DHX8: variants seen among roughly 807,000 people sequenced by gnomAD.
DHX8 encodes DEAH-box helicase 8, also known as ATP-dependent RNA helicase DHX8.
Under a neutral mutation model 140.7 loss-of-function variants are expected in DHX8, and 67 were observed. That is an observed-to-expected ratio of 0.48 (90% CI 0.39 to 0.58). The LOEUF is 0.58. DHX8 is among the 20% of genes least tolerant of loss of function. The pLI is 0.00. For missense variants in DHX8, 887 were observed against 1,550.7 expected (o/e 0.57, Z 7.19); for synonymous variants, 533 against 553.2 (o/e 0.96, Z 0.51).
chr17:43,505,323 C>T (rs982954264), intron 12 of DHX8, among the ~76,000 whole-genome samples: 6 of 152,008 alleles, frequency 3.9e-5, no homozygotes, highest in East Asian at 3.9e-4. Flanking sequence ...GCAGGAGAAT[C>T]GCTTGAATCA....
downstream of DHX8, chr17:43,528,781 C>T (rs747479682): frequency 5.1e-5 from 81 of 1,578,242 alleles, no homozygotes; most frequent in African/African-American, 1.1e-4. Flanking sequence ...CCTGGCTAGC[C>T]GCCCAGCCTT....
intron 3 of DHX8, among the ~76,000 whole-genome samples, chr17:43,537,601 CAGG>C (rs974349051): frequency 4.8e-4 from 73 of 152,004 alleles, no homozygotes; most frequent in African/African-American, 1.7e-3. Flanking sequence ...AAGGCTGAGG[CAGG>C]AGAATTGCTT....
chr17:43,529,762 G>A (rs1189077150), downstream of DHX8: 4 of 1,591,344 alleles, frequency 2.5e-6, no homozygotes, highest in Non-Finnish European at 3.4e-6. Context: ...TTTCTCGAAG[G>A]GGTCTCCCCA....
rs1022309044 is a variant in DHX8, at chr17:43,493,963, G to A, written c.1212+77G>A. 53 of 1,461,702 alleles carry A rather than the reference G, an allele frequency of 3.6e-5. No homozygotes were observed. In the African/African-American group the frequency reaches 6.7e-4, roughly 18 times the overall value. The allele number at this position is 1,461,702 out of a possible 1,614,324, so 90.5% of individuals were successfully genotyped here. A position where few individuals can be genotyped will look rare whatever the true frequency, so the allele number is the denominator to read the frequency against. ...TGCTTAGGGGTGTGCCCTGGAGCAC[G>A]ATGGCCTGGGATAACTTTTGGCCAC... On this transcript the variant is annotated intron_variant, in intron 8 of 22. Transcript: ENST00000262415.
chr17:43,530,635 T>TGAGA (rs1555557340), downstream of DHX8, among the ~76,000 whole-genome samples: 5 of 149,720 alleles, frequency 3.3e-5, no homozygotes, highest in East Asian at 2.0e-4. Flanking sequence ...TGTGTGTGTG[T>TGAGA]GACAGAAACA....
intron 8 of DHX8, among the ~76,000 whole-genome samples, chr17:43,494,112 G>C (rs1381712132): frequency 6.6e-6 from 1 of 152,188 alleles, no homozygotes; most frequent in Non-Finnish European, 1.5e-5. Context: ...TATGGAGGAA[G>C]GTGAAAGGCA....
intron 16 of DHX8, 89 bp from the exon 17 acceptor site, chr17:43,513,273 T>C (rs1598164116): frequency 7.1e-7 from 1 of 1,416,604 alleles, no homozygotes; most frequent in East Asian, 2.4e-5. Context: ...ACATATTCCT[T>C]TGGGAAGATA....
At chr17:43,484,963 A>T (rs1968048308) in intron 1 of DHX8, among the ~76,000 whole-genome samples, 1 of 152,140 alleles carries the variant, frequency 6.6e-6, no homozygotes, top group Non-Finnish European at 1.5e-5. Flanking sequence ...AACACCAGTC[A>T]CTAGATGTTT....
At chr17:43,533,299 C>T (rs1659289789) in intron 2 of DHX8, 2 of 1,613,744 alleles carry the variant, frequency 1.2e-6, no homozygotes, top group Non-Finnish European at 1.7e-6. Flanking sequence ...TGTCCAAGGG[C>T]ACCAGGGGCA....
At chr17:43,530,346 T>G (rs1418151572), downstream of DHX8, 2 of 1,478,216 alleles carry the variant, frequency 1.4e-6, no homozygotes, top group African/African-American at 2.8e-5. Context: ...CAGGGAAAGT[T>G]CACCCAGAGG....
chr17:43,529,840 C>G (rs773930087), downstream of DHX8: 1 of 1,606,542 alleles, frequency 6.2e-7, no homozygotes, highest in Non-Finnish European at 8.5e-7. Flanking sequence ...AGGGACACAG[C>G]GTGATAAGAC....
Position 43,522,095 on chromosome 17 carries a change from G to A in DHX8, c.3312G>A (p.Gln1104=). 6.2e-7 allele frequency: 1 copy of A among 1,614,142 alleles called. No homozygotes were observed. The highest frequency in any genetic ancestry group is 8.5e-7 in the Non-Finnish European group (1 of 1,180,026). The part of the protein sequence containing the change: ...VSCGKSTVRV[Q]KAICSGFFRN... Reference sequence around the variant, plus strand: ...GTGGCAAGTCCACAGTCCGAGTGCAGAAGGCCATCTGCAGTGGGTTCTTCC... The same window carrying A: ...GTGGCAAGTCCACAGTCCGAGTGCAAAAGGCCATCTGCAGTGGGTTCTTCC... The change falls in exon 22 of 23, where the codon CAG becomes CAA. Residue 1104 remains glutamine (Q), a synonymous_variant. Transcript: ENST00000262415.
intron 16 of DHX8, among the ~76,000 whole-genome samples, chr17:43,510,450 G>T (rs1345846444): frequency 6.6e-6 from 1 of 152,164 alleles, no homozygotes; most frequent in Non-Finnish European, 1.5e-5. Context: ...GTATGCTCAA[G>T]TCTCTTATGT....
At chr17:43,520,072 A>G in intron 18 of DHX8, 58 bp from the exon 19 acceptor site, 3 of 1,595,116 alleles carry the variant, frequency 1.9e-6, no homozygotes, top group Non-Finnish European at 2.6e-6. Flanking sequence ...GCTTCCCCAC[A>G]TGCTGACACT....
rs991040706 is a variant in DHX8, at chr17:43,520,202, A to G, written c.2872A>G (p.Met958Val). 1 of 1,614,018 alleles carries G rather than the reference A, an allele frequency of 6.2e-7. No homozygotes were observed. The highest frequency in any genetic ancestry group is 8.5e-7 in the Non-Finnish European group (1 of 1,180,028). The change falls in exon 19 of 23, where the codon ATG becomes GTG. Residue 958 changes from methionine to valine, a missense_variant. This residue lies in a region of DHX8 where 151 missense variants were observed against 388.3 expected (regional missense o/e 0.39). Coordinates refer to ENST00000262415, the MANE Select transcript of DHX8 (RefSeq NM_004941.3). Reference protein sequence around the residue: ...APPMETLITAMEQLYTLGALD... With the variant: ...APPMETLITAVEQLYTLGALD... ...ACCTATGGAAACTTTGATCACAGCC[A>G]TGGAGCAGCTGTACACACTGGGGGC...
At chr17:43,493,424 A>G in intron 6 of DHX8, 21 bp from the exon 7 acceptor site, 1 of 1,613,230 alleles carries the variant, frequency 6.2e-7, no homozygotes, top group Non-Finnish European at 8.5e-7. Context: ...CATGTTCCAG[A>G]TGTGTCTGGC....
intron 2 of DHX8, among the ~76,000 whole-genome samples, chr17:43,533,550 G>A (rs1971075155): frequency 6.6e-6 from 1 of 152,004 alleles, no homozygotes; most frequent in Admixed American, 6.6e-5. Flanking sequence ...TGTTGCCCAG[G>A]CTAGTCTTGA....
chr17:43,527,758 A>G (rs189379048), downstream of DHX8: 1 of 210,982 alleles, frequency 4.7e-6, no homozygotes, highest in East Asian at 7.1e-5. Context: ...GCCTGGCCCC[A>G]AACCAGTCAG....
intron 17 of DHX8, among the ~76,000 whole-genome samples, chr17:43,515,142 G>A (rs9913605): frequency 0.23 from 34,219 of 151,800 alleles, 4,066 homozygotes; most frequent in East Asian, 0.32. Flanking sequence ...AAGCCTTAAG[G>A]CTATTTTTAT....
Sources: allele counts gnomAD v4.1 joint callset (sites outside exome capture counted in the v4.1 genomes callset), GRCh38; gene constraint gnomAD v4.1.1; regional missense constraint gnomAD v4.1.1; transcripts MANE v1.5; gene names NCBI Gene and HGNC (gene_info 2026-07-23, HGNC 2026-07-21).